The following ACVR1C variants were observed in gnomAD, a reference collection of about 807,000 sequenced individuals.
ACVR1C encodes the protein activin A receptor type 1C.
Under a neutral mutation model 57.9 loss-of-function variants are expected in ACVR1C, and 23 were observed. That is an observed-to-expected ratio of 0.40 (90% CI 0.29 to 0.56). The LOEUF is 0.56. Among genes scored for constraint, ACVR1C ranks in the 20% least tolerant of loss-of-function variants. The probability of loss-of-function intolerance (pLI) is 0.50; values close to 1 mark genes in which losing one functional copy is unlikely to be tolerated. For synonymous variants in ACVR1C, 214 were observed against 215.3 expected, an observed-to-expected ratio of 0.99 and a Z score of 0.05; for missense variants, 480 against 607.9, an observed-to-expected ratio of 0.79 and a Z score of 2.21.
intron 1 of ACVR1C, among the ~76,000 whole-genome samples, chr2:157,609,948 T>A (rs1051941720): frequency 6.6e-6 from 1 of 152,096 alleles, no homozygotes; most frequent in Non-Finnish European, 1.5e-5. Flanking sequence ...TTTAATCCAT[T>A]TCTATTCAAG....
At chr2:157,595,860 C>T (rs1233982049) in intron 1 of ACVR1C, among the ~76,000 whole-genome samples, 1 of 152,164 alleles carries the variant, frequency 6.6e-6, no homozygotes, top group Non-Finnish European at 1.5e-5. Flanking sequence ...TTCTCCAGGT[C>T]TCAGCTCAAA....
chr2:157,560,653 A>G (rs931388690), intron 2 of ACVR1C, among the ~76,000 whole-genome samples: 6 of 152,210 alleles, frequency 3.9e-5, no homozygotes, highest in African/African-American at 1.2e-4. Flanking sequence ...TTCATTTTTC[A>G]TAGGAGGACC....
chr2:157,566,717 G>C (rs1460585006), intron 2 of ACVR1C, among the ~76,000 whole-genome samples: 1 of 151,734 alleles, frequency 6.6e-6, no homozygotes, highest in African/African-American at 2.4e-5. Flanking sequence ...CCTACGCCCA[G>C]GGAGTCTCGC....
intron 1 of ACVR1C, among the ~76,000 whole-genome samples, chr2:157,622,929 C>A (rs2105160142): frequency 6.6e-6 from 1 of 152,008 alleles, no homozygotes; most frequent in South Asian, 2.1e-4. Flanking sequence ...ATCTAATAAT[C>A]CAATAAAAAA....
At chr2:157,587,777 G>C (rs1441468666) in intron 1 of ACVR1C, among the ~76,000 whole-genome samples, 2 of 152,072 alleles carry the variant, frequency 1.3e-5, no homozygotes, top group African/African-American at 4.8e-5. Context: ...AAGGGGAGCT[G>C]TCCAGCAATA....
Position 157,532,009 on chromosome 2 carries a change from G to T in ACVR1C, c.*1909C>A, listed in dbSNP as rs1024656733. ...TTGTACCCGATATTGTGGCAAGCAAGATATGGGTGCTCTATGATTATTTAA... is the reference window on the plus strand; with the variant it reads ...TTGTACCCGATATTGTGGCAAGCAATATATGGGTGCTCTATGATTATTTAA... On this transcript the variant is annotated 3_prime_UTR_variant, in exon 9 of 9. Coordinates refer to ENST00000243349, the MANE Select transcript of ACVR1C (RefSeq NM_145259.3). The T allele has an allele frequency of 6.6e-6, 1 of 152,118 alleles. No individual in the cohort carries two copies. Among genetic ancestry groups the T allele is most frequent in the Admixed American group, 6.6e-5 (1 of 15,260 alleles). 9.4% of individuals were successfully genotyped at this position (152,118 alleles called of 1,614,324 possible). A position where few individuals can be genotyped will look rare whatever the true frequency, so the allele number is the denominator to read the frequency against.
chr2:157,603,011 C>CT (rs1682314081), intron 1 of ACVR1C, among the ~76,000 whole-genome samples: 1 of 152,120 alleles, frequency 6.6e-6, no homozygotes, highest in Admixed American at 6.6e-5. Flanking sequence ...CAGCAAAGGC[C>CT]TCTAAAATAA....
At chr2:157,554,201 G>GAGAGAGAGAGAGAGAAAGAAAGAAAGAA in intron 3 of ACVR1C, among the ~76,000 whole-genome samples, 1 of 41,444 alleles carries the variant, frequency 2.4e-5, no homozygotes, top group African/African-American at 1.4e-4. Context: ...ATAAAGAAGA[G>GAGAGAGAGAGAGAGAAAGAAAGAAAGAA]AGAAAGAAAG....
At chr2:157,558,679 T>C (rs1688163689) in intron 2 of ACVR1C, among the ~76,000 whole-genome samples, 1 of 152,226 alleles carries the variant, frequency 6.6e-6, no homozygotes, top group Admixed American at 6.5e-5. Context: ...CATTAGTAGT[T>C]ATACAGGTGC....
At position 157,550,053 on chromosome 2, in the gene ACVR1C, G is replaced by C. The variant is rs1687878251; in HGVS notation, c.775+109C>G. The C allele has an allele frequency of 4.7e-6, 4 of 848,562 alleles. No individual in the cohort carries two copies. In the Admixed American group the frequency reaches 8.9e-5, roughly 19 times the overall value. 52.6% of individuals were successfully genotyped at this position (848,562 alleles called of 1,614,324 possible). ...GAAAAGGAAAAAAAAAAAAAGAAGAGGTGAATTTATTTTTTCTTATCTGAT... is the reference window on the plus strand; with the variant it reads ...GAAAAGGAAAAAAAAAAAAAGAAGACGTGAATTTATTTTTTCTTATCTGAT... On this transcript the variant is annotated intron_variant, in intron 4 of 8. Transcript: ENST00000243349.
chr2:157,597,560 C>G (rs1682163042), intron 1 of ACVR1C: 1 of 985,332 alleles, frequency 1.0e-6, no homozygotes, highest in Non-Finnish European at 1.2e-6. Context: ...GGCAGCGCAA[C>G]CCCCAGGAGA....
intron 1 of ACVR1C, among the ~76,000 whole-genome samples, chr2:157,598,542 G>GTTT (rs201633186): frequency 1.4e-5 from 2 of 140,834 alleles, no homozygotes; most frequent in African/African-American, 2.6e-5. Flanking sequence ...TCTTTTAATA[G>GTTT]TTTTTTTTTT....
At chr2:157,591,273 T>C (rs1010298431) in intron 1 of ACVR1C, among the ~76,000 whole-genome samples, 41 of 151,996 alleles carry the variant, frequency 2.7e-4, no homozygotes, top group African/African-American at 9.4e-4. Context: ...AGGTAGTATC[T>C]GGTGATGGTC....
At chr2:157,554,023 A>C (rs1687987696) in intron 3 of ACVR1C, among the ~76,000 whole-genome samples, 1 of 151,518 alleles carries the variant, frequency 6.6e-6, no homozygotes, top group African/African-American at 2.4e-5. Flanking sequence ...TCTCTGCTAA[A>C]AATGCAAAAA....
In ACVR1C at chr2:157,567,488, T is replaced by C. The variant is rs1435029721; in HGVS notation, c.305-11156A>G. Among the ~76,000 whole-genome samples the C allele has an allele frequency of 7.0e-5, 2 of 28,472 alleles. 1 individual carries two copies. Among genetic ancestry groups the C allele is most frequent in the African/African-American group, 4.1e-4 (2 of 4,858 alleles). The allele number at this position is 28,472 out of a possible 152,430, so 18.7% of individuals were successfully genotyped here. On this transcript the variant is annotated intron_variant, in intron 2 of 8. Transcript: ENST00000243349. ...TTTGAAAAAAATTTAGAAGAATGTA[T>C]AACTAGAATAACCAATACAGAGAAG...
At chr2:157,559,954 G>A (rs1433376436) in intron 2 of ACVR1C, among the ~76,000 whole-genome samples, 1 of 151,516 alleles carries the variant, frequency 6.6e-6, no homozygotes, top group African/African-American at 2.4e-5. Flanking sequence ...GAAGCAAGGA[G>A]GCAGGGAGGG....
chr2:157,554,310 G>GAAAAGA (rs1321628348), intron 3 of ACVR1C, among the ~76,000 whole-genome samples: 4 of 105,368 alleles, frequency 3.8e-5, no homozygotes, highest in East Asian at 3.4e-4. Flanking sequence ...AGAAAGAAAG[G>GAAAAGA]AAAAGAAAAA....
At chr2:157,580,251 C>T (rs1031394528) in intron 2 of ACVR1C, among the ~76,000 whole-genome samples, 4 of 151,966 alleles carry the variant, frequency 2.6e-5, no homozygotes, top group Non-Finnish European at 5.9e-5. Context: ...TTTTAGTTTT[C>T]ATCAAGTCAA....
chr2:157,628,540 C>G, intron 1 of ACVR1C, 32 bp downstream of exon 1: 1 of 1,598,678 alleles, frequency 6.3e-7, no homozygotes, highest in Non-Finnish European at 8.5e-7. Context: ...CTCCCACCCT[C>G]GCGGGCGTCG....
Sources: gnomAD v4.1 joint callset for allele counts (sites outside exome capture counted in the v4.1 genomes callset) on GRCh38, gnomAD v4.1.1 for gene constraint, MANE v1.5 for transcripts, NCBI Gene and HGNC (gene_info 2026-07-23, HGNC 2026-07-21) for gene names.